ANKS3: variants seen among roughly 807,000 people sequenced by gnomAD.
ANKS3 encodes the protein ankyrin repeat and sterile alpha motif domain containing 3.
A neutral mutation model predicts 80.7 loss-of-function variants in ANKS3; 62 were observed. The observed-to-expected ratio is 0.77, with a 90% CI of 0.63 to 0.95. The LOEUF is 0.95. ANKS3 is among the 40% of genes least tolerant of loss of function. The pLI, the probability that ANKS3 is intolerant of heterozygous loss-of-function variation, is 0.00. For synonymous variants in ANKS3, 489 were observed against 355.3 expected, an observed-to-expected ratio of 1.38 and a Z score of -4.23; for missense variants, 1,150 against 883.6, an observed-to-expected ratio of 1.30 and a Z score of -3.82.
intron 1 of ANKS3, among the ~76,000 whole-genome samples, chr16:4,733,695 A>G (rs1475799982): frequency 6.6e-6 from 1 of 152,242 alleles, no homozygotes; most frequent in African/African-American, 2.4e-5. Context: ...TGTGATTATT[A>G]CGAACTGCAT....
At chr16:4,697,212 C>T in intron 16 of ANKS3, 108 bp from the exon 17 acceptor site, 2 of 1,549,554 alleles carry the variant, frequency 1.3e-6, no homozygotes, top group Non-Finnish European at 1.8e-6. Flanking sequence ...CCCGTTATGG[C>T]CCCAGCCCCG....
chr16:4,716,523 A>C (rs1200296051), intron 6 of ANKS3, among the ~76,000 whole-genome samples: 1 of 152,016 alleles, frequency 6.6e-6, no homozygotes, highest in Non-Finnish European at 1.5e-5. Context: ...AGGACAAAAA[A>C]CTGTGTTTTC....
At position 4,702,163 on chromosome 16, in the gene ANKS3, C is replaced by G. The variant is rs773076165; in HGVS notation, c.948G>C (p.Arg316=). ...GCTCATTGATGGGGGAGGTGACATC[C>G]CGGCAGCAGAGGCCCTCTTCTTCCA... is the stretch of plus-strand genomic sequence containing the variant. ...NPLEEEGLCC[R]DVTSPINERD... is the part of the protein sequence containing the mutation. Residue 316 remains arginine (R), a synonymous_variant, in exon 9 of 18, where the codon CGG becomes CGC. Coordinates refer to ENST00000304283, the MANE Select transcript of ANKS3 (RefSeq NM_133450.4). 6.3e-7 allele frequency: 1 copy of G among 1,593,192 alleles called. No homozygotes were observed. Among genetic ancestry groups the G allele is most frequent in the South Asian group, 1.1e-5 (1 of 89,062 alleles).
At chr16:4,728,405 C>T (rs950027882) in intron 3 of ANKS3, among the ~76,000 whole-genome samples, 7 of 152,200 alleles carry the variant, frequency 4.6e-5, no homozygotes. Context: ...CCCTCAGTGA[C>T]TCTGGGATGC....
chr16:4,730,183 C>T, intron 2 of ANKS3, 32 bp from the exon 3 acceptor site: 1 of 1,455,834 alleles, frequency 6.9e-7, no homozygotes, highest in Non-Finnish European at 9.2e-7. Context: ...TTAGATCTTT[C>T]CTGGCTGGTT....
chr16:4,705,978 ACTT>A (rs1214910880), intron 7 of ANKS3, among the ~76,000 whole-genome samples: 1 of 151,646 alleles, frequency 6.6e-6, no homozygotes, highest in Non-Finnish European at 1.5e-5. Flanking sequence ...CCAGGCTGGA[ACTT>A]CCGCCTCCTG....
chr16:4,730,784 G>A (rs941160545), intron 2 of ANKS3, among the ~76,000 whole-genome samples: 2 of 152,020 alleles, frequency 1.3e-5, no homozygotes, highest in Admixed American at 6.6e-5. Flanking sequence ...CTGAGGAGGC[G>A]GAGGTTGCGG....
chr16:4,710,504 CTT>C (rs1196251833), intron 7 of ANKS3, among the ~76,000 whole-genome samples: 2 of 152,136 alleles, frequency 1.3e-5, no homozygotes, highest in African/African-American at 4.8e-5. Flanking sequence ...GCTCAGGACT[CTT>C]GAGACCAGCC....
chr16:4,712,287 C>T (rs944416748), intron 7 of ANKS3, among the ~76,000 whole-genome samples: 2 of 152,016 alleles, frequency 1.3e-5, no homozygotes, highest in Admixed American at 6.6e-5. Flanking sequence ...AGAAGAATTG[C>T]TTGAACTCAG....
chr16:4,701,574 C>T (rs1338700003), intron 9 of ANKS3, 31 bp from the exon 10 acceptor site: 2 of 1,578,702 alleles, frequency 1.3e-6, no homozygotes, highest in Admixed American at 1.7e-5. Flanking sequence ...CGTCCGCCTG[C>T]AGCCCTCACC....
At position 4,696,751 on chromosome 16, in the gene ANKS3, G is replaced by C. The variant is rs1041472255; in HGVS notation, c.*157C>G. 7.5e-6 allele frequency: 4 copies of C among 536,720 alleles called. No individual in the cohort carries two copies. The highest frequency in any genetic ancestry group is 1.3e-5 in the Non-Finnish European group (4 of 296,786). The allele number at this position is 536,720 out of a possible 1,614,324, so 33.2% of individuals were successfully genotyped here. The stretch of plus-strand genomic sequence containing the variant: ...CTGCCGAGCCAGGGCCGCAGCCCCC[G>C]TCTTGCCTCTGTCTGCCGGCTGCTC... On this transcript the variant is annotated 3_prime_UTR_variant, in exon 18 of 18. Transcript: ENST00000304283.
At chr16:4,720,492 G>T (rs980875777) in intron 6 of ANKS3, among the ~76,000 whole-genome samples, 12 of 150,402 alleles carry the variant, frequency 8.0e-5, no homozygotes, top group Admixed American at 2.7e-4. Context: ...ACACCCTAAG[G>T]GGAGGGGTGT....
At chr16:4,728,725 T>C (rs985392847) in intron 3 of ANKS3, among the ~76,000 whole-genome samples, 3 of 152,130 alleles carry the variant, frequency 2.0e-5, no homozygotes, top group Admixed American at 1.3e-4. Flanking sequence ...TGCTCCTCTA[T>C]GGAGCGGTTA....
rs2080122732 is a variant in ANKS3 at position 4,705,259 on chromosome 16, A to G, written c.710-6T>C. On this transcript the variant is annotated splice_polypyrimidine_tract_variant and splice_region_variant and intron_variant, in intron 7 of 17. Coordinates refer to ENST00000304283, the MANE Select transcript of ANKS3 (RefSeq NM_133450.4). ...GCTCAGATCTTCGTACTTTTCTGTGATCAAACACCAAGATTAAGATAGTGT... is the reference window on the plus strand; with the variant it reads ...GCTCAGATCTTCGTACTTTTCTGTGGTCAAACACCAAGATTAAGATAGTGT... 1 of 1,613,522 alleles carries G rather than the reference A, an allele frequency of 6.2e-7. No homozygotes were observed. Among genetic ancestry groups the G allele is most frequent in the African/African-American group, 1.3e-5 (1 of 74,916 alleles).
intron 8 of ANKS3, 96 bp from the exon 9 acceptor site, chr16:4,702,338 A>G (rs1450141108): frequency 1.5e-6 from 2 of 1,305,428 alleles, no homozygotes; most frequent in African/African-American, 3.1e-5. Flanking sequence ...CTTCCCAGTC[A>G]TGACCTCACC....
At chr16:4,733,562 G>T (rs554699841) in intron 1 of ANKS3, among the ~76,000 whole-genome samples, 1 of 152,040 alleles carries the variant, frequency 6.6e-6, no homozygotes, top group African/African-American at 2.4e-5. Context: ...AAAGTGCTAG[G>T]ATTACAGGCG....
intron 11 of ANKS3, chr16:4,699,383 C>T (rs948864675): frequency 3.0e-5 from 19 of 629,352 alleles, no homozygotes; most frequent in South Asian, 7.7e-5. Flanking sequence ...TGGTCGGCCA[C>T]GTGGGGACAA....
rs959638234 is a variant in ANKS3, at chr16:4,729,777, C to T, written c.170+203G>A. 1.4e-5 allele frequency: 6 copies of T among 439,730 alleles called. No homozygotes were observed. In the Admixed American group the frequency reaches 2.4e-4, roughly 18 times the overall value. The allele number at this position is 439,730 out of a possible 1,614,324, so 27.2% of individuals were successfully genotyped here. A position where few individuals can be genotyped will look rare whatever the true frequency, so the allele number is the denominator to read the frequency against. On this transcript the variant is annotated intron_variant, in intron 3 of 17. Coordinates refer to ENST00000304283, the MANE Select transcript of ANKS3 (RefSeq NM_133450.4). ...TATAAGCTTCTGATCAAAGTTTACT[C>T]CCTCTTTTTCTTCCTAGGAATAAAA... is the stretch of plus-strand genomic sequence containing the variant.
At chr16:4,701,189 G>C in intron 10 of ANKS3, 55 bp from the exon 11 acceptor site, 4 of 1,605,950 alleles carry the variant, frequency 2.5e-6, no homozygotes, top group South Asian at 2.2e-5. Context: ...GAGAGCCTTG[G>C]TGAAACCCCC....
Sources: gnomAD v4.1 joint callset for allele counts (sites outside exome capture counted in the v4.1 genomes callset) on GRCh38, gnomAD v4.1.1 for gene constraint, MANE v1.5 for transcripts, NCBI Gene and HGNC (gene_info 2026-07-23, HGNC 2026-07-21) for gene names.